Variants in NCKAP5 observed in about 807,000 individuals in gnomAD.
The protein encoded by NCKAP5 is NCK associated protein 5, also known as nck-associated protein 5.
In NCKAP5, 92 loss-of-function variants were observed where a neutral mutation model predicts 167.0. That is an observed-to-expected ratio of 0.55 (90% confidence interval 0.47 to 0.66). The LOEUF (loss-of-function observed/expected upper bound fraction) is 0.66. Among genes scored for constraint, NCKAP5 ranks in the 30% least tolerant of loss-of-function variants. The pLI, the probability that NCKAP5 is intolerant of heterozygous loss-of-function variation, is 0.00. For synonymous variants in NCKAP5, 891 were observed against 877.4 expected (o/e 1.02, Z -0.27); for missense variants, 2,378 against 2,315.0 (o/e 1.03, Z -0.56).
At chr2:133,130,853 TG>T (rs2082577325) in intron 5 of NCKAP5, among the ~76,000 whole-genome samples, 2 of 152,178 alleles carry the variant, frequency 1.3e-5, no homozygotes, top group African/African-American at 4.8e-5. Context: ...GTTTTGTTGT[TG>T]TTGTTGTTGT....
chr2:133,656,272 CAAAAAAA>C, the NCKAP5 span, among the ~76,000 whole-genome samples: 2 of 140,390 alleles, frequency 1.4e-5, no homozygotes, highest in East Asian at 2.2e-4. Context: ...AACAAACAAA[CAAAAAAA>C]AAAAAAAACC....
At chr2:133,205,257 A>G (rs1469945691) in intron 5 of NCKAP5, among the ~76,000 whole-genome samples, 1 of 150,246 alleles carries the variant, frequency 6.7e-6, no homozygotes, top group African/African-American at 2.4e-5. Context: ...GTGCCACTGC[A>G]CTCCAGTCTG....
At chr2:133,201,177 G>A (rs2085669038) in intron 5 of NCKAP5, among the ~76,000 whole-genome samples, 1 of 152,142 alleles carries the variant, frequency 6.6e-6, no homozygotes, top group Admixed American at 6.6e-5. Flanking sequence ...AGGCAGTGGT[G>A]ACTACAGCGT....
At chr2:133,255,249 T>C (rs564361103) in intron 4 of NCKAP5, among the ~76,000 whole-genome samples, 12 of 152,338 alleles carry the variant, frequency 7.9e-5, no homozygotes, top group East Asian at 5.8e-4. Context: ...AATATTTGTA[T>C]TTTCCTGCCT....
intron 4 of NCKAP5, among the ~76,000 whole-genome samples, chr2:133,275,115 G>C (rs955273106): frequency 6.6e-6 from 1 of 151,872 alleles, no homozygotes; most frequent in Non-Finnish European, 1.5e-5. Flanking sequence ...CATAGAAATA[G>C]GCAGTTCATA....
intron 19 of NCKAP5, among the ~76,000 whole-genome samples, chr2:132,702,209 T>G (rs901344855): frequency 3.0e-4 from 45 of 152,186 alleles, no homozygotes; most frequent in African/African-American, 1.0e-3. Flanking sequence ...AGGCAATGCA[T>G]GGGGTGGAGG....
intron 8 of NCKAP5, among the ~76,000 whole-genome samples, chr2:132,883,338 C>T (rs1691939189): frequency 2.0e-5 from 3 of 152,078 alleles, no homozygotes; most frequent in Non-Finnish European, 4.4e-5. Context: ...TTGCATACTT[C>T]CTACTTTGCC....
At chr2:133,545,983 G>T (rs368966681) in intron 2 of NCKAP5, among the ~76,000 whole-genome samples, 171 of 152,244 alleles carry the variant, frequency 1.1e-3, no homozygotes, top group African/African-American at 3.8e-3. Flanking sequence ...GTTTAATTTG[G>T]AAATCTGAGC....
intron 8 of NCKAP5, among the ~76,000 whole-genome samples, chr2:132,943,365 C>G (rs1169143721): frequency 6.6e-6 from 1 of 152,138 alleles, no homozygotes; most frequent in Non-Finnish European, 1.5e-5. Flanking sequence ...CATACCTTGT[C>G]AAAAGAAGAA....
At chr2:133,613,677 G>A in the NCKAP5 span, among the ~76,000 whole-genome samples, 1 of 152,114 alleles carries the variant, frequency 6.6e-6, no homozygotes, top group African/African-American at 2.4e-5. Flanking sequence ...GAAATGTCCT[G>A]CACAGCCTCC....
At chr2:133,315,782 G>T in intron 3 of NCKAP5, among the ~76,000 whole-genome samples, 1 of 152,266 alleles carries the variant, frequency 6.6e-6, no homozygotes, top group Non-Finnish European at 1.5e-5. Context: ...GGCCATTAGC[G>T]GCCCGACAAA....
chr2:132,887,950 A>G (rs1004932718), intron 8 of NCKAP5, among the ~76,000 whole-genome samples: 1 of 152,154 alleles, frequency 6.6e-6, no homozygotes, highest in Non-Finnish European at 1.5e-5. Flanking sequence ...GTCTTCCTGC[A>G]TTTGCTAGTT....
intron 19 of NCKAP5, among the ~76,000 whole-genome samples, 188 bp from the exon 20 acceptor site, chr2:132,673,493 T>C (rs1258499087): frequency 1.3e-5 from 2 of 152,206 alleles, no homozygotes; most frequent in African/African-American, 4.8e-5. Context: ...ATCAGGACTT[T>C]AATCATTTTA....
the NCKAP5 span, among the ~76,000 whole-genome samples, chr2:133,664,306 T>G: frequency 6.6e-6 from 1 of 152,172 alleles, no homozygotes; most frequent in Non-Finnish European, 1.5e-5. Flanking sequence ...GTAAGGACCC[T>G]AGAAGTTTTG....
At chr2:133,591,611 G>A in the NCKAP5 span, among the ~76,000 whole-genome samples, 1 of 152,138 alleles carries the variant, frequency 6.6e-6, no homozygotes, top group Non-Finnish European at 1.5e-5. Flanking sequence ...CACTCAAATG[G>A]AAAGCGCTTG....
At chr2:133,162,830 CTG>C (rs776498992) in intron 5 of NCKAP5, among the ~76,000 whole-genome samples, 3 of 152,222 alleles carry the variant, frequency 2.0e-5, no homozygotes, top group Non-Finnish European at 2.9e-5. Flanking sequence ...GTTAAAATAA[CTG>C]TGTGTTTGTA....
At chr2:133,484,670 T>C (rs1029618726) in intron 3 of NCKAP5, among the ~76,000 whole-genome samples, 47 of 152,202 alleles carry the variant, frequency 3.1e-4, no homozygotes, top group African/African-American at 1.1e-3. Context: ...TACACAAATG[T>C]TGCTTCATGC....
At chr2:132,907,589 T>G (rs541924463) in intron 8 of NCKAP5, among the ~76,000 whole-genome samples, 1 of 136,020 alleles carries the variant, frequency 7.4e-6, no homozygotes, top group South Asian at 2.2e-4. Flanking sequence ...TGCCTCATAA[T>G]CAAGGCTCTT....
At chr2:132,695,579 A>G (rs1394054685) in intron 19 of NCKAP5, among the ~76,000 whole-genome samples, 1 of 152,180 alleles carries the variant, frequency 6.6e-6, no homozygotes, top group Non-Finnish European at 1.5e-5. Context: ...CTTCTTTTGC[A>G]AGGAAATGTG....
Sources: gnomAD v4.1 joint callset for allele counts (sites outside exome capture counted in the v4.1 genomes callset) on GRCh38, gnomAD v4.1.1 for gene constraint, MANE v1.5 for transcripts, NCBI Gene and HGNC (gene_info 2026-07-23, HGNC 2026-07-21) for gene names.